ATP9A: variants seen among roughly 807,000 people sequenced by gnomAD.
ATP9A encodes the protein probable phospholipid-transporting ATPase IIA.
Under a neutral mutation model 144.1 loss-of-function variants are expected in ATP9A, and 52 were observed. The observed-to-expected ratio is 0.36, with a 90% CI of 0.29 to 0.45. ATP9A has a LOEUF of 0.45. Ranked by LOEUF, ATP9A falls within the 20% of genes least tolerant of loss-of-function variation. ATP9A has a pLI of 1.00. For missense variants in ATP9A, 947 were observed against 1,392.7 expected (o/e 0.68, Z 5.09); for synonymous variants, 582 against 557.4 (o/e 1.04, Z -0.62).
chr20:51,691,859 G>A (rs2077549911), intron 7 of ATP9A, among the ~76,000 whole-genome samples: 1 of 152,198 alleles, frequency 6.6e-6, no homozygotes, highest in African/African-American at 2.4e-5. Context: ...AGCATCAGTG[G>A]ATGAATGGAT....
chr20:51,639,729 T>C (rs1205001119), intron 14 of ATP9A, among the ~76,000 whole-genome samples: 3 of 152,182 alleles, frequency 2.0e-5, no homozygotes, highest in African/African-American at 4.8e-5. Flanking sequence ...GCACAATTCA[T>C]CTTTTCTAGG....
rs60505207 is a variant in ATP9A, at chr20:51,682,577, C to CTTTTTTTTTTTTTTTTTTTTTTTTTT, written c.800-6395_800-6370dup. On this transcript the variant is annotated intron_variant, in intron 9 of 27. Transcript: ENST00000338821. ...TAAAGTGTGTTGCTTTTCACTGTAT[C>CTTTTTTTTTTTTTTTTTTTTTTTTTT]TTTTTTTTTTTTTTTTTTTTTTTTT... 2.9e-4 allele frequency among the ~76,000 whole-genome samples: 10 copies of CTTTTTTTTTTTTTTTTTTTTTTTTTT among 35,084 alleles called. 5 individuals carry two copies. Among genetic ancestry groups the CTTTTTTTTTTTTTTTTTTTTTTTTTT allele is most frequent in the South Asian group, 2.7e-3 (2 of 738 alleles). The allele number at this position is 35,084 out of a possible 152,430, so 23.0% of individuals were successfully genotyped here.
At chr20:51,722,641 C>T (rs968478224) in intron 3 of ATP9A, among the ~76,000 whole-genome samples, 1 of 152,084 alleles carries the variant, frequency 6.6e-6, no homozygotes, top group Non-Finnish European at 1.5e-5. Flanking sequence ...AACCACAATG[C>T]GATACCACCT....
chr20:51,647,804 A>T (rs779255232), intron 14 of ATP9A, among the ~76,000 whole-genome samples: 8 of 152,150 alleles, frequency 5.3e-5, no homozygotes, highest in Non-Finnish European at 1.0e-4. Flanking sequence ...ATCACATGGG[A>T]CAGAGCTTTT....
At chr20:51,705,607 C>T (rs553741552) in intron 4 of ATP9A, among the ~76,000 whole-genome samples, 6 of 152,200 alleles carry the variant, frequency 3.9e-5, no homozygotes, top group Non-Finnish European at 8.8e-5. Context: ...GCTAATTGTC[C>T]GCTTGCTTCA....
chr20:51,610,238 C>T, intron 23 of ATP9A, 73 bp from the exon 24 acceptor site: 2 of 1,256,546 alleles, frequency 1.6e-6, no homozygotes, highest in Non-Finnish European at 2.3e-6. Flanking sequence ...ATAAAAATAA[C>T]ACCTGATACT....
intron 4 of ATP9A, among the ~76,000 whole-genome samples, 178 bp downstream of exon 4, chr20:51,712,788 C>A (rs1281660190): frequency 6.6e-6 from 1 of 152,230 alleles, no homozygotes; most frequent in East Asian, 1.9e-4. Flanking sequence ...CCTGGTGGGA[C>A]CCCGTCAACC....
intron 15 of ATP9A, among the ~76,000 whole-genome samples, chr20:51,633,465 G>A (rs1601069859): frequency 6.6e-6 from 1 of 152,174 alleles, no homozygotes; most frequent in Non-Finnish European, 1.5e-5. Flanking sequence ...AGATGAACTG[G>A]TCAGGCACGG....
At chr20:51,721,264 T>C (rs964171973) in intron 3 of ATP9A, among the ~76,000 whole-genome samples, 13 of 152,366 alleles carry the variant, frequency 8.5e-5, no homozygotes, top group African/African-American at 1.9e-4. Context: ...AAAAGGTTTA[T>C]TGTTTTTGTT....
chr20:51,701,935 TG>T (rs779297484), intron 4 of ATP9A, among the ~76,000 whole-genome samples: 26 of 152,078 alleles, frequency 1.7e-4, no homozygotes, highest in Admixed American at 4.6e-4. Context: ...CCGAGGCGGG[TG>T]GATTGCTTGA....
intron 1 of ATP9A, among the ~76,000 whole-genome samples, chr20:51,737,020 C>T (rs1201128831): frequency 6.6e-6 from 1 of 152,184 alleles, no homozygotes; most frequent in Non-Finnish European, 1.5e-5. Flanking sequence ...GCACCATTCC[C>T]ATTGTTACAG....
intron 15 of ATP9A, among the ~76,000 whole-genome samples, chr20:51,633,745 T>C (rs1234764874): frequency 7.1e-5 from 10 of 141,184 alleles, no homozygotes; most frequent in African/African-American, 2.4e-4. Flanking sequence ...GACTCTGTCT[T>C]GAGAAAGAAA....
In ATP9A at chr20:51,625,299, C is replaced by T; in HGVS notation, c.1909G>A (p.Glu637Lys). ...AGTTCCATCTCCATCTCCAGGCTCT[C>T]GATCACCGTGGCCACTTTGAGGGAG... ...DRSLKVATVI[E>K]SLEMEMELLC... is the part of the protein sequence containing the mutation. The change falls in exon 18 of 28, where the codon GAG becomes AAG. Residue 637 changes from glutamate to lysine, a missense_variant. Around this residue, in one of 2 missense-constraint regions of ATP9A, gnomAD observed 770 missense variants for 1,047.9 expected, o/e 0.73. Transcript: ENST00000338821. 2 of 1,614,222 alleles carry T rather than the reference C, an allele frequency of 1.2e-6. No homozygotes were observed. The highest frequency in any genetic ancestry group is 1.7e-6 in the Non-Finnish European group (2 of 1,180,034).
chr20:51,631,576 T>C (rs1362983049), intron 15 of ATP9A, among the ~76,000 whole-genome samples: 4 of 152,196 alleles, frequency 2.6e-5, no homozygotes, highest in Non-Finnish European at 5.9e-5. Flanking sequence ...ACGGAGTTCA[T>C]CACAAGTTTA....
At chr20:51,691,254 G>T (rs2122818978) in intron 7 of ATP9A, among the ~76,000 whole-genome samples, 1 of 152,288 alleles carries the variant, frequency 6.6e-6, no homozygotes, top group East Asian at 1.9e-4. Context: ...ATCACTTGAG[G>T]CCAGGAGTTT....
In ATP9A at chr20:51,597,741, C is replaced by A. The variant is rs2077125198; in HGVS notation, c.*3470G>T. On this transcript the variant is annotated 3_prime_UTR_variant, in exon 28 of 28. Transcript: ENST00000338821. ...ACAAAGTATAAAAAGAAAAGTCTGG[C>A]GGGGGGTGGGGGAGGCATTAGCATA... 1.3e-5 allele frequency: 2 copies of A among 151,772 alleles called. No individual in the cohort carries two copies. The highest frequency in any genetic ancestry group is 2.9e-5 in the Non-Finnish European group (2 of 67,968). The allele number at this position is 151,772 out of a possible 1,614,324, so 9.4% of individuals were successfully genotyped here.
intron 4 of ATP9A, 87 bp downstream of exon 4, chr20:51,712,879 C>A (rs1445915718): frequency 1.6e-6 from 2 of 1,216,754 alleles, no homozygotes; most frequent in Non-Finnish European, 2.4e-6. Flanking sequence ...CCCACACCTG[C>A]GGCCCGGGCC....
intron 4 of ATP9A, among the ~76,000 whole-genome samples, chr20:51,701,809 CTACTGCAGAGT>C (rs1350881163): frequency 6.6e-6 from 1 of 152,198 alleles, no homozygotes; most frequent in East Asian, 1.9e-4. Context: ...TTCTGTTGAG[CTACTGCAGAGT>C]GCTGTCAATT....
At chr20:51,698,766 A>G (rs1274183168) in intron 4 of ATP9A, among the ~76,000 whole-genome samples, 1 of 152,212 alleles carries the variant, frequency 6.6e-6, no homozygotes, top group African/African-American at 2.4e-5. Flanking sequence ...AAAGTGGGAC[A>G]GGTGAATAGC....
Sources: gnomAD v4.1 joint callset for allele counts (sites outside exome capture counted in the v4.1 genomes callset) on GRCh38, gnomAD v4.1.1 for gene constraint, gnomAD v4.1.1 regional missense constraint, MANE v1.5 for transcripts, NCBI Gene and HGNC (gene_info 2026-07-23, HGNC 2026-07-21) for gene names.